Variants in SLC15A2 observed in about 807,000 individuals in gnomAD.
SLC15A2 encodes the protein kidney H(+)/peptide cotransporter.
A neutral mutation model predicts 95.5 loss-of-function variants in SLC15A2; 77 were observed. The observed-to-expected ratio is 0.81, with a 90% confidence interval of 0.67 to 0.97. The LOEUF is 0.97. Among genes scored for constraint, SLC15A2 ranks in the 50% least tolerant of loss-of-function variants. The pLI is 0.00. For synonymous variants in SLC15A2, 306 were observed against 306.9 expected (o/e 1.00, Z 0.03); for missense variants, 893 against 874.4 (o/e 1.02, Z -0.27).
At chr3:121,905,271 C>T (rs6770115) in intron 3 of SLC15A2, among the ~76,000 whole-genome samples, 113,766 of 151,954 alleles carry the variant, frequency 0.75, 42,758 homozygotes, top group East Asian at 0.87. Context: ...TAGTGGTCTA[C>T]CAATTTTGTT....
chr3:121,925,846 G>C (rs1920318), intron 13 of SLC15A2, among the ~76,000 whole-genome samples: 2 of 138,934 alleles, frequency 1.4e-5, no homozygotes, highest in Non-Finnish European at 3.1e-5. Context: ...GCCAAGGAGA[G>C]GTAGAAAAGA....
Position 121,923,229 on chromosome 3 carries a change from G to C in SLC15A2, c.965G>C (p.Arg322Pro). 2 of 1,613,988 alleles carry C rather than the reference G, an allele frequency of 1.2e-6. No individual in the cohort carries two copies. Among genetic ancestry groups the C allele is most frequent in the Non-Finnish European group, 1.7e-6 (2 of 1,179,880 alleles). ...AGGATCTGTTTGCCCTAGGGTTCAC[G>C]ATGGACTTTGCAAGCCATCAGGATG... ...FWALLDQQGS[R>P]WTLQAIRMNR... The change falls in exon 11 of 22, where the codon CGA becomes CCA. Residue 322 changes from arginine (R) to proline (P), a missense_variant. Transcript: ENST00000489711.
At chr3:121,925,977 T>C (rs1710114165) in intron 13 of SLC15A2, among the ~76,000 whole-genome samples, 1 of 151,616 alleles carries the variant, frequency 6.6e-6, no homozygotes, top group Non-Finnish European at 1.5e-5. Flanking sequence ...TTATTTTTGG[T>C]GTTATGACAT....
chr3:121,903,130 C>G (rs1330992304), intron 3 of SLC15A2, among the ~76,000 whole-genome samples: 1 of 152,172 alleles, frequency 6.6e-6, no homozygotes, highest in Admixed American at 6.5e-5. Flanking sequence ...TTTCATGTGT[C>G]TGTTGGCTGC....
chr3:121,926,670 A>G lies in SLC15A2; in HGVS notation c.1125-1088A>G, dbSNP rs373057772. 3.9e-5 allele frequency among the ~76,000 whole-genome samples: 6 copies of G among 152,368 alleles called. No individual in the cohort carries two copies. The East Asian group carries it at 5.8e-4, about 15-fold the overall frequency. On this transcript the variant is annotated intron_variant, in intron 13 of 21. Coordinates refer to ENST00000489711, the MANE Select transcript of SLC15A2 (RefSeq NM_021082.4). ...AAATGTGGGGTTGGAGCTCCCACACAGAGTCCCCACAAGGACACTGCCTAG... is the reference window on the plus strand; with the variant it reads ...AAATGTGGGGTTGGAGCTCCCACACGGAGTCCCCACAAGGACACTGCCTAG...
chr3:121,916,258 AG>A (rs890212798), intron 7 of SLC15A2, among the ~76,000 whole-genome samples: 12 of 152,306 alleles, frequency 7.9e-5, no homozygotes, highest in Middle Eastern at 3.4e-3. Context: ...ACTTAAATCA[AG>A]TGGCATTCTC....
intron 3 of SLC15A2, 65 bp from the exon 4 acceptor site, chr3:121,911,509 T>C (rs1709766608): frequency 1.8e-6 from 2 of 1,099,792 alleles, no homozygotes; most frequent in Non-Finnish European, 2.8e-6. Context: ...GTATGAACCC[T>C]AAGTCTGTAT....
chr3:121,929,569 C>T (rs995072454), intron 17 of SLC15A2, among the ~76,000 whole-genome samples: 18 of 152,112 alleles, frequency 1.2e-4, no homozygotes, highest in Admixed American at 1.2e-3. Flanking sequence ...GCCCCCTGTA[C>T]TCTGGGGCAT....
intron 13 of SLC15A2, among the ~76,000 whole-genome samples, chr3:121,927,103 AC>A (rs771960090): frequency 6.6e-5 from 10 of 152,098 alleles, no homozygotes; most frequent in Non-Finnish European, 1.3e-4. Flanking sequence ...GGTGGAAGGG[AC>A]TTGCCTTATT....
At chr3:121,922,382 G>C in intron 8 of SLC15A2, 80 bp downstream of exon 8, 1 of 1,112,508 alleles carries the variant, frequency 9.0e-7, no homozygotes. Context: ...CTTCAAACGT[G>C]GGCATACATT....
At chr3:121,929,268 A>C in intron 16 of SLC15A2, 34 bp from the exon 17 acceptor site, 1 of 1,612,018 alleles carries the variant, frequency 6.2e-7, no homozygotes, top group Non-Finnish European at 8.5e-7. Context: ...TTATTTCATC[A>C]GCTGTTACTG....
rs535433796 is a variant in SLC15A2 at position 121,943,296 on chromosome 3, C to G, written c.*2289C>G. 5.3e-5 allele frequency: 8 copies of G among 151,962 alleles called. No individual in the cohort carries two copies. Among genetic ancestry groups the G allele is most frequent in the Non-Finnish European group, 1.2e-4 (8 of 67,964 alleles). The allele number at this position is 151,962 out of a possible 1,614,324, so 9.4% of individuals were successfully genotyped here. The stretch of plus-strand genomic sequence containing the variant: ...AAAAAAGAAAAGAATATGTATACCC[C>G]CTTTTTCATGTGGCAGATGTTTAGC... On this transcript the variant is annotated 3_prime_UTR_variant, in exon 22 of 22. Coordinates refer to ENST00000489711, the MANE Select transcript of SLC15A2 (RefSeq NM_021082.4).
intron 7 of SLC15A2, among the ~76,000 whole-genome samples, chr3:121,916,584 A>G (rs1024268838): frequency 6.6e-6 from 1 of 152,222 alleles, no homozygotes; most frequent in African/African-American, 2.4e-5. Context: ...GTGATAATAT[A>G]TTCTTTACTT....
Position 121,899,036 on chromosome 3 carries a change from AT to A in SLC15A2, c.335+1508del, listed in dbSNP as rs146423724. On this transcript the variant is annotated intron_variant, in intron 3 of 21. Coordinates refer to ENST00000489711, the MANE Select transcript of SLC15A2 (RefSeq NM_021082.4). ...ATAGGAGATTGGCACTACTTGCAGAATAAAAAGTGCAAGCCATAATCTATTT... is the reference window on the plus strand; with the variant it reads ...ATAGGAGATTGGCACTACTTGCAGAAAAAAAGTGCAAGCCATAATCTATTT... Among the ~76,000 whole-genome samples, 470 of 152,312 alleles carry A rather than the reference AT, an allele frequency of 3.1e-3. 3 individuals carry two copies. Among genetic ancestry groups the A allele is most frequent in the African/African-American group, 0.011 (448 of 41,564 alleles).
intron 3 of SLC15A2, among the ~76,000 whole-genome samples, chr3:121,911,361 C>T (rs1027510099): frequency 1.3e-5 from 2 of 152,158 alleles, no homozygotes; most frequent in African/African-American, 4.8e-5. Flanking sequence ...TTACCTCTAA[C>T]ACTAAAGAGT....
At chr3:121,938,745 A>G (rs1297419740) in intron 19 of SLC15A2, among the ~76,000 whole-genome samples, 1 of 152,182 alleles carries the variant, frequency 6.6e-6, no homozygotes, top group African/African-American at 2.4e-5. Flanking sequence ...TCACGCTGGG[A>G]ACTGTAGACC....
rs990517151 is a variant in SLC15A2, at chr3:121,897,479, T to C, written c.285T>C (p.Phe95=). ...IYHAFSSLCY[F]TPILGAAIAD... ...ATGCCTTCAGCAGCCTCTGTTATTTTACTCCCATCCTGGGAGCAGCCATTG... is the reference window on the plus strand; with the variant it reads ...ATGCCTTCAGCAGCCTCTGTTATTTCACTCCCATCCTGGGAGCAGCCATTG... Residue 95 remains phenylalanine, a synonymous_variant, in exon 3 of 22, where the codon TTT becomes TTC. Transcript: ENST00000489711. The C allele has an allele frequency of 5.0e-6, 8 of 1,614,120 alleles. No homozygotes were observed. Among genetic ancestry groups the C allele is most frequent in the Middle Eastern group, 3.3e-4 (2 of 6,062 alleles).
intron 20 of SLC15A2, among the ~76,000 whole-genome samples, chr3:121,940,099 C>A (rs1576695914): frequency 6.6e-6 from 1 of 152,234 alleles, no homozygotes; most frequent in East Asian, 1.9e-4. Flanking sequence ...AGCTACTGCG[C>A]CCAGTCTGTA....
chr3:121,940,746 A>G (rs926992366), intron 21 of SLC15A2, 85 bp from the exon 22 acceptor site: 147 of 1,399,020 alleles, frequency 1.1e-4, no homozygotes, highest in African/African-American at 6.7e-4. Flanking sequence ...ATCCCAGGTC[A>G]GTCTGCTCCC....
Sources: gnomAD v4.1 joint callset for allele counts (sites outside exome capture counted in the v4.1 genomes callset) on GRCh38, gnomAD v4.1.1 for gene constraint, MANE v1.5 for transcripts, NCBI Gene and HGNC (gene_info 2026-07-23, HGNC 2026-07-21) for gene names.